The following L3HYPDH variants were observed in gnomAD, a reference collection of about 807,000 sequenced individuals.
L3HYPDH encodes the protein trans-3-hydroxy-L-proline dehydratase.
Under a neutral mutation model 26.5 loss-of-function variants are expected in L3HYPDH, and 32 were observed. That is an observed-to-expected ratio of 1.21 (90% CI 0.91 to 1.62). L3HYPDH has a LOEUF of 1.62. L3HYPDH is among the 40% of genes most tolerant of loss of function. The pLI, the probability that L3HYPDH is intolerant of heterozygous loss-of-function variation, is 0.00. For synonymous variants in L3HYPDH, 215 were observed against 196.6 expected, an observed-to-expected ratio of 1.09 and a Z score of -0.78; for missense variants, 554 against 476.4, an observed-to-expected ratio of 1.16 and a Z score of -1.52.
chr14:59,468,479 C>T (rs956401946), downstream of L3HYPDH, among the ~76,000 whole-genome samples: 3 of 152,322 alleles, frequency 2.0e-5, no homozygotes, highest in South Asian at 6.2e-4. Flanking sequence ...CTAGCATCCC[C>T]ATCTTCGCGT....
intron 1 of L3HYPDH, among the ~76,000 whole-genome samples, chr14:59,480,765 G>C (rs2139824649): frequency 6.6e-6 from 1 of 152,324 alleles, no homozygotes; most frequent in East Asian, 1.9e-4. Context: ...AAAACATGCT[G>C]TGGATTGTAA....
chr14:59,475,925 T>G lies in L3HYPDH; in HGVS notation c.883A>C (p.Met295Leu), dbSNP rs768619597. The G allele has an allele frequency of 1.2e-6, 2 of 1,613,940 alleles. No individual in the cohort carries two copies. The highest frequency in any genetic ancestry group is 1.7e-6 in the Non-Finnish European group (2 of 1,179,910). ...GTTGCACTGCTTTTGAAGGCTCTCA[T>G]CTGGTTCAGTTCCAGAAGCCCTTTG... ...YHKGLLELNQMRAFKSSATGS... is the reference protein window; with the variant it reads ...YHKGLLELNQLRAFKSSATGS... The change falls in exon 4 of 5, where the codon ATG (methionine) becomes CTG (leucine). Residue 295 changes from methionine to leucine, a missense_variant. Met to Leu is a conservative substitution (Grantham distance 15, BLOSUM62 2). Transcript: ENST00000247194.
chr14:59,498,876 C>T, the L3HYPDH span: 2 of 1,610,876 alleles, frequency 1.2e-6, no homozygotes, highest in Non-Finnish European at 1.7e-6. Context: ...CCAATTTTAA[C>T]CGTGCTTCAG....
At chr14:59,484,869 G>A (rs1429906937), upstream of L3HYPDH, 10 of 1,208,388 alleles carry the variant, frequency 8.3e-6, no homozygotes, top group Non-Finnish European at 1.0e-5. Flanking sequence ...GTTTAATGTC[G>A]AGGGAACACT....
chr14:59,503,767 A>C, the L3HYPDH span: 1 of 768,056 alleles, frequency 1.3e-6, no homozygotes, highest in South Asian at 1.9e-5. Flanking sequence ...TAAATAATAC[A>C]TTTTATATTA....
At chr14:59,481,264 TTAAGA>T (rs1479521334) in intron 1 of L3HYPDH, among the ~76,000 whole-genome samples, 2 of 152,224 alleles carry the variant, frequency 1.3e-5, no homozygotes, top group Non-Finnish European at 2.9e-5. Flanking sequence ...ACATTAAAAA[TTAAGA>T]TATTTATTTC....
chr14:59,497,755 G>A, the L3HYPDH span, among the ~76,000 whole-genome samples: 1 of 152,120 alleles, frequency 6.6e-6, no homozygotes, highest in Non-Finnish European at 1.5e-5. Flanking sequence ...GATCAAACAT[G>A]TACTAATGCA....
chr14:59,504,806 A>G, the L3HYPDH span: 2 of 153,546 alleles, frequency 1.3e-5, no homozygotes, highest in Non-Finnish European at 2.9e-5. Context: ...GTATATATAC[A>G]TACCATATTT....
upstream of L3HYPDH, chr14:59,487,912 T>C: frequency 8.0e-7 from 1 of 1,247,318 alleles, no homozygotes; most frequent in South Asian, 1.3e-5. Context: ...TAATTATGCT[T>C]CTTCTGTTTT....
At chr14:59,501,142 T>C in the L3HYPDH span, 23 of 1,145,772 alleles carry the variant, frequency 2.0e-5, no homozygotes, top group South Asian at 3.1e-4. Flanking sequence ...GATGGTTTAT[T>C]GAGAAAATTT....
downstream of L3HYPDH, among the ~76,000 whole-genome samples, chr14:59,471,319 C>G (rs577507093): frequency 1.8e-4 from 28 of 152,102 alleles, no homozygotes; most frequent in Non-Finnish European, 3.4e-4. Context: ...TATCTTAGAA[C>G]TGGAGGAAGT....
intron 1 of L3HYPDH, among the ~76,000 whole-genome samples, chr14:59,483,244 G>A (rs141092150): frequency 1.6e-4 from 24 of 152,322 alleles, no homozygotes; most frequent in Admixed American, 6.5e-4. Flanking sequence ...GGGGTTATCA[G>A]GATTTGAAAC....
intron 1 of L3HYPDH, 34 bp downstream of exon 1, chr14:59,483,775 C>A: frequency 6.3e-7 from 1 of 1,584,424 alleles, no homozygotes; most frequent in Non-Finnish European, 8.5e-7. Flanking sequence ...CCGGTTGCAG[C>A]TCTGCCCTGG....
At chr14:59,496,246 A>G in the L3HYPDH span, among the ~76,000 whole-genome samples, 2 of 148,910 alleles carry the variant, frequency 1.3e-5, no homozygotes, top group African/African-American at 5.0e-5. Flanking sequence ...TATTTTATAG[A>G]TATATATATA....
At chr14:59,488,021 G>A (rs1890712200), upstream of L3HYPDH, among the ~76,000 whole-genome samples, 1 of 152,108 alleles carries the variant, frequency 6.6e-6, no homozygotes, top group Non-Finnish European at 1.5e-5. Context: ...TAAGGGAACT[G>A]TCCTTAGTCT....
At chr14:59,477,214 T>C (rs1211175619) in intron 2 of L3HYPDH, among the ~76,000 whole-genome samples, 1 of 152,114 alleles carries the variant, frequency 6.6e-6, no homozygotes, top group African/African-American at 2.4e-5. Flanking sequence ...TCCTCAAAGG[T>C]GGGGTTTGTT....
upstream of L3HYPDH, among the ~76,000 whole-genome samples, chr14:59,487,000 AGACCAGCCT>A (rs1474962484): frequency 1.3e-5 from 2 of 152,202 alleles, no homozygotes; most frequent in Non-Finnish European, 2.9e-5. Context: ...CAGGAGTTCG[AGACCAGCCT>A]GACCAATATG....
downstream of L3HYPDH, among the ~76,000 whole-genome samples, chr14:59,468,209 G>A (rs113760335): frequency 6.4e-4 from 97 of 152,312 alleles, no homozygotes; most frequent in African/African-American, 2.3e-3. Context: ...GCAACATAGT[G>A]AGACCATGTC....
intron 4 of L3HYPDH, chr14:59,474,648 A>G (rs1889504661): frequency 3.5e-6 from 2 of 577,136 alleles, no homozygotes; most frequent in Admixed American, 6.5e-5. Flanking sequence ...TCACTAACTA[A>G]CCTCTGGTAA....
Sources: gnomAD v4.1 joint callset for allele counts (sites outside exome capture counted in the v4.1 genomes callset) on GRCh38, gnomAD v4.1.1 for gene constraint, MANE v1.5 for transcripts, NCBI Gene and HGNC (gene_info 2026-07-23, HGNC 2026-07-21) for gene names.